Variants in SLC7A14 observed in about 807,000 individuals in gnomAD.
SLC7A14 encodes solute carrier family 7 member 14.
In SLC7A14, 37 loss-of-function variants were observed where a neutral mutation model predicts 60.2. The observed-to-expected ratio is 0.61, with a 90% CI of 0.47 to 0.81. The LOEUF (loss-of-function observed/expected upper bound fraction) is 0.81. Ranked by LOEUF, SLC7A14 falls within the 30% of genes least tolerant of loss-of-function variation. SLC7A14 has a pLI of 0.00. For missense variants in SLC7A14, 886 were observed against 982.7 expected, an observed-to-expected ratio of 0.90 and a Z score of 1.32; for synonymous variants, 399 against 395.8, an observed-to-expected ratio of 1.01 and a Z score of -0.10.
chr3:170,533,649 C>CTGTG (rs1713744572), intron 1 of SLC7A14, among the ~76,000 whole-genome samples: 3 of 103,528 alleles, frequency 2.9e-5, no homozygotes, highest in African/African-American at 1.1e-4. Flanking sequence ...CCATCTGGCC[C>CTGTG]AGTGTGTGTG....
intron 1 of SLC7A14, 61 bp from the exon 2 acceptor site, chr3:170,527,149 C>T (rs946784777): frequency 2.4e-5 from 14 of 591,940 alleles, no homozygotes; most frequent in African/African-American, 1.5e-4. Context: ...CCTTGACTTG[C>T]GGGGATGGTT....
chr3:170,565,950 T>A (rs1432630603), intron 1 of SLC7A14, among the ~76,000 whole-genome samples: 1 of 152,240 alleles, frequency 6.6e-6, no homozygotes, highest in Non-Finnish European at 1.5e-5. Context: ...TGGTTCATAC[T>A]GGAATTGGAT....
In SLC7A14 at chr3:170,461,841, A is replaced by ATTT. The variant is rs1739609904; in HGVS notation, c.*5213_*5214insAAA. On this transcript the variant is annotated 3_prime_UTR_variant, in exon 8 of 8. Transcript: ENST00000231706. Reference sequence around the variant, plus strand: ...AGCAGAGGCTCCATGAAGACTTTGGATAGAAACATCTTCCTTGACACGTCT... The same window carrying ATTT: ...AGCAGAGGCTCCATGAAGACTTTGGATTTTAGAAACATCTTCCTTGACACGTCT... 1 of 152,304 alleles carries ATTT rather than the reference A, an allele frequency of 6.6e-6. No homozygotes were observed. The highest frequency in any genetic ancestry group is 2.1e-4 in the South Asian group (1 of 4,824). The allele number at this position is 152,304 out of a possible 1,614,324, so 9.4% of individuals were successfully genotyped here.
chr3:170,548,474 G>C (rs1472110615), intron 1 of SLC7A14, among the ~76,000 whole-genome samples: 1 of 152,208 alleles, frequency 6.6e-6, no homozygotes, highest in Non-Finnish European at 1.5e-5. Context: ...CAGTTGGTTT[G>C]CATCTAGCAG....
chr3:170,490,373 T>C (rs1402299673), intron 4 of SLC7A14, among the ~76,000 whole-genome samples: 2 of 151,382 alleles, frequency 1.3e-5, no homozygotes, highest in African/African-American at 4.9e-5. Context: ...TAAACACACA[T>C]ACATACACAT....
intron 4 of SLC7A14, among the ~76,000 whole-genome samples, chr3:170,486,698 C>T (rs920645882): frequency 1.3e-4 from 20 of 152,038 alleles, no homozygotes; most frequent in African/African-American, 4.6e-4. Flanking sequence ...ATGGTGAAAC[C>T]CTGTCTGTAC....
chr3:170,494,185 T>G (rs1284147690), intron 4 of SLC7A14, among the ~76,000 whole-genome samples: 1 of 152,252 alleles, frequency 6.6e-6, no homozygotes, highest in Non-Finnish European at 1.5e-5. Context: ...TCTTTAACTT[T>G]TCTAAGCTTG....
chr3:170,501,838 T>A (rs1353764487), intron 2 of SLC7A14, among the ~76,000 whole-genome samples: 1 of 152,236 alleles, frequency 6.6e-6, no homozygotes, highest in Non-Finnish European at 1.5e-5. Flanking sequence ...GATGCAAATA[T>A]AAATAAATTA....
intron 7 of SLC7A14, among the ~76,000 whole-genome samples, chr3:170,471,400 C>T (rs919176626): frequency 1.3e-5 from 2 of 152,136 alleles, no homozygotes; most frequent in African/African-American, 4.8e-5. Context: ...TCCCCTGACC[C>T]CTTCTCTACA....
intron 2 of SLC7A14, among the ~76,000 whole-genome samples, chr3:170,525,261 G>A (rs564008647): frequency 2.0e-5 from 3 of 152,350 alleles, no homozygotes; most frequent in African/African-American, 7.2e-5. Context: ...GCAATTCTGG[G>A]AAGATACCGT....
intron 1 of SLC7A14, among the ~76,000 whole-genome samples, chr3:170,583,614 G>C (rs1354478846): frequency 6.6e-6 from 1 of 152,152 alleles, no homozygotes; most frequent in South Asian, 2.1e-4. Context: ...CTTGTAAAAC[G>C]ATGGTGCTAA....
At chr3:170,577,543 G>A (rs1162407783) in intron 1 of SLC7A14, among the ~76,000 whole-genome samples, 1 of 150,396 alleles carries the variant, frequency 6.6e-6, no homozygotes, top group Non-Finnish European at 1.5e-5. Context: ...GCGTGAACCC[G>A]GGAAGCAGAG....
At chr3:170,512,269 C>T (rs1008603389) in intron 2 of SLC7A14, among the ~76,000 whole-genome samples, 4 of 152,162 alleles carry the variant, frequency 2.6e-5, no homozygotes, top group Non-Finnish European at 5.9e-5. Flanking sequence ...AGATGAGGAG[C>T]AGGTGAGATG....
intron 1 of SLC7A14, among the ~76,000 whole-genome samples, chr3:170,536,401 A>AT (rs1459916309): frequency 6.6e-6 from 1 of 152,194 alleles, no homozygotes; most frequent in African/African-American, 2.4e-5. Flanking sequence ...ATATAGCAAT[A>AT]TTTTTTCTGG....
chr3:170,474,519 C>T (rs1042769599), intron 7 of SLC7A14, among the ~76,000 whole-genome samples: 4 of 152,336 alleles, frequency 2.6e-5, no homozygotes, highest in Admixed American at 6.5e-5. Flanking sequence ...TATTCTTGCT[C>T]GTCTGAGCAC....
At chr3:170,522,534 A>G (rs1168980061) in intron 2 of SLC7A14, among the ~76,000 whole-genome samples, 2 of 152,224 alleles carry the variant, frequency 1.3e-5, no homozygotes, top group African/African-American at 4.8e-5. Flanking sequence ...AAGAAAGCAA[A>G]CTTAAAAGGT....
At chr3:170,536,495 A>G (rs988689736) in intron 1 of SLC7A14, among the ~76,000 whole-genome samples, 3 of 152,238 alleles carry the variant, frequency 2.0e-5, no homozygotes, top group Non-Finnish European at 4.4e-5. Flanking sequence ...ACTGCATACA[A>G]AAGTTATTGG....
At chr3:170,561,317 G>C (rs2108310119) in intron 1 of SLC7A14, among the ~76,000 whole-genome samples, 1 of 152,274 alleles carries the variant, frequency 6.6e-6, no homozygotes, top group South Asian at 2.1e-4. Context: ...CTCAGTCTGG[G>C]CAATTGCTGT....
At chr3:170,576,399 A>C (rs754024173) in intron 1 of SLC7A14, among the ~76,000 whole-genome samples, 2 of 152,262 alleles carry the variant, frequency 1.3e-5, no homozygotes, top group African/African-American at 2.4e-5. Context: ...GCCAACCTTT[A>C]GGCCAGCTCT....
Sources: gnomAD v4.1 joint callset for allele counts (sites outside exome capture counted in the v4.1 genomes callset) on GRCh38, gnomAD v4.1.1 for gene constraint, MANE v1.5 for transcripts, NCBI Gene and HGNC (gene_info 2026-07-23, HGNC 2026-07-21) for gene names.